Variants in ARHGAP24 observed in about 807,000 individuals in gnomAD.
ARHGAP24 encodes rho GTPase-activating protein 24.
A neutral mutation model predicts 76.4 loss-of-function variants in ARHGAP24; 50 were observed. The observed-to-expected ratio is 0.65, with a 90% CI of 0.52 to 0.83. The LOEUF (loss-of-function observed/expected upper bound fraction) is 0.83, where lower values mean the gene tolerates loss of function less well. Ranked by LOEUF, ARHGAP24 falls within the 40% of genes least tolerant of loss-of-function variation. The pLI, the probability that ARHGAP24 is intolerant of heterozygous loss-of-function variation, is 0.00. For missense variants in ARHGAP24, 930 were observed against 914.2 expected (o/e 1.02, Z -0.22); for synonymous variants, 345 against 323.3 (o/e 1.07, Z -0.72).
In ARHGAP24 at chr4:85,946,187, C is replaced by A. The variant is rs112818088; in HGVS notation, c.599+3914C>A. ...TCAACCACCTCCCACCAGGGTCCTCCCGTGACATGTGGGAATTGTGGGAAT... is the reference window on the plus strand; with the variant it reads ...TCAACCACCTCCCACCAGGGTCCTCACGTGACATGTGGGAATTGTGGGAAT... On this transcript the variant is annotated intron_variant, in intron 5 of 9. Transcript: ENST00000395184. 4.9e-3 allele frequency among the ~76,000 whole-genome samples: 749 copies of A among 152,268 alleles called. 13 individuals are homozygous for A. Among genetic ancestry groups the A allele is most frequent in the African/African-American group, 0.017 (704 of 41,552 alleles).
At chr4:85,592,894 A>G (rs534150721) in intron 2 of ARHGAP24, among the ~76,000 whole-genome samples, 1 of 152,288 alleles carries the variant, frequency 6.6e-6, no homozygotes, top group East Asian at 1.9e-4. Flanking sequence ...GTTGATGGGC[A>G]CTTAGGTTCC....
At chr4:85,910,733 G>T (rs1285241723) in intron 3 of ARHGAP24, among the ~76,000 whole-genome samples, 2 of 152,060 alleles carry the variant, frequency 1.3e-5, no homozygotes, top group Non-Finnish European at 2.9e-5. Context: ...TGAGCCCAAG[G>T]GTTTCATGGG....
intron 5 of ARHGAP24, among the ~76,000 whole-genome samples, chr4:85,968,048 T>C (rs1738736069): frequency 6.6e-6 from 1 of 152,194 alleles, no homozygotes; most frequent in Non-Finnish European, 1.5e-5. Context: ...CTCAGCTATT[T>C]GTTCCTAGTT....
At chr4:85,980,300 C>T (rs931211808) in intron 8 of ARHGAP24, among the ~76,000 whole-genome samples, 1 of 152,158 alleles carries the variant, frequency 6.6e-6, no homozygotes, top group Non-Finnish European at 1.5e-5. Context: ...AGAAAAAGTG[C>T]CTCACAAGTT....
chr4:85,960,259 T>C (rs1026575160), intron 5 of ARHGAP24, among the ~76,000 whole-genome samples: 1 of 152,224 alleles, frequency 6.6e-6, no homozygotes, highest in African/African-American at 2.4e-5. Flanking sequence ...AGAAGGCGGT[T>C]TTAAAATATT....
intron 2 of ARHGAP24, among the ~76,000 whole-genome samples, chr4:85,608,172 T>C (rs942579728): frequency 1.3e-5 from 2 of 152,052 alleles, no homozygotes; most frequent in Non-Finnish European, 2.9e-5. Flanking sequence ...ATGAATTGAA[T>C]TGAAAAAGGC....
chr4:85,557,113 C>T (rs573371897), intron 1 of ARHGAP24, among the ~76,000 whole-genome samples: 8 of 152,348 alleles, frequency 5.3e-5, no homozygotes, highest in African/African-American at 1.9e-4. Flanking sequence ...CCTCTGGGAG[C>T]TCTGTCCCAG....
At chr4:85,570,302 GCTCT>G (rs376080241) in intron 1 of ARHGAP24, among the ~76,000 whole-genome samples, 4 of 149,804 alleles carry the variant, frequency 2.7e-5, no homozygotes, top group Admixed American at 6.6e-5. Context: ...TACTTCCCTT[GCTCT>G]CTCTCTCTTT....
At chr4:85,864,246 G>A (rs982395624) in intron 3 of ARHGAP24, among the ~76,000 whole-genome samples, 7 of 152,028 alleles carry the variant, frequency 4.6e-5, no homozygotes, top group African/African-American at 1.4e-4. Context: ...AAAAAGAAAA[G>A]CCTTACCAAG....
chr4:85,988,634 A>G (rs910582017), intron 8 of ARHGAP24, among the ~76,000 whole-genome samples: 1 of 151,590 alleles, frequency 6.6e-6, no homozygotes, highest in African/African-American at 2.4e-5. Context: ...AAAGGACATA[A>G]AAAAATAAAA....
Position 85,911,291 on chromosome 4 carries a change from G to A in ARHGAP24, c.269-12357G>A, listed in dbSNP as rs779663143. On this transcript the variant is annotated intron_variant, in intron 3 of 9. Transcript: ENST00000395184. ...GCTCCACTTGTCCCTGGCTCCTGCC[G>A]GCTTGTGCAGCTCTGGCAGTGCCTC... Among the ~76,000 whole-genome samples the A allele has an allele frequency of 5.1e-4, 77 of 152,246 alleles. 2 individuals are homozygous for A. The highest frequency in any genetic ancestry group is 1.6e-3 in the Admixed American group (24 of 15,302).
intron 3 of ARHGAP24, among the ~76,000 whole-genome samples, chr4:85,845,967 G>A (rs1011019699): frequency 1.2e-4 from 18 of 151,740 alleles, no homozygotes; most frequent in Non-Finnish European, 2.5e-4. Flanking sequence ...GTGCAATGGC[G>A]CGATCTCGGC....
chr4:85,794,646 C>G (rs1008700760), intron 3 of ARHGAP24, among the ~76,000 whole-genome samples: 3 of 152,138 alleles, frequency 2.0e-5, no homozygotes, highest in African/African-American at 7.2e-5. Context: ...CCACACCTGG[C>G]TAATGTTTGT....
At chr4:85,877,396 A>G (rs548164190) in intron 3 of ARHGAP24, among the ~76,000 whole-genome samples, 84 of 152,342 alleles carry the variant, frequency 5.5e-4, no homozygotes, top group Non-Finnish European at 3.8e-4. Context: ...AGGCCCAGGC[A>G]AGTGGATTGC....
chr4:85,517,703 C>T (rs1421816379), intron 1 of ARHGAP24, among the ~76,000 whole-genome samples: 4 of 152,026 alleles, frequency 2.6e-5, no homozygotes, highest in South Asian at 2.1e-4. Flanking sequence ...AATGCTTACC[C>T]GGTTTAATAA....
chr4:85,818,817 T>A (rs1729351415), intron 3 of ARHGAP24, among the ~76,000 whole-genome samples: 1 of 152,200 alleles, frequency 6.6e-6, no homozygotes, highest in Admixed American at 6.5e-5. Flanking sequence ...ATTCTCTATA[T>A]CCAGTTAACG....
chr4:85,636,752 T>A (rs1721322856), intron 2 of ARHGAP24, among the ~76,000 whole-genome samples: 1 of 152,050 alleles, frequency 6.6e-6, no homozygotes, highest in African/African-American at 2.4e-5. Context: ...CTCCATGAAA[T>A]CTCTCCTGAC....
At chr4:85,921,539 G>GT (rs5860007) in intron 3 of ARHGAP24, among the ~76,000 whole-genome samples, 46,071 of 140,080 alleles carry the variant, frequency 0.33, 7,239 homozygotes, top group East Asian at 0.63. Flanking sequence ...TAAAATAAAA[G>GT]TTTTTTTAAA....
intron 3 of ARHGAP24, among the ~76,000 whole-genome samples, chr4:85,856,302 T>TA (rs376598614): frequency 1.4e-4 from 21 of 151,344 alleles, no homozygotes; most frequent in Non-Finnish European, 1.9e-4. Flanking sequence ...CTCATTTTGG[T>TA]AAAAAAAAAT....
Sources: allele counts gnomAD v4.1 joint callset (sites outside exome capture counted in the v4.1 genomes callset), GRCh38; gene constraint gnomAD v4.1.1; transcripts MANE v1.5; gene names NCBI Gene and HGNC (gene_info 2026-07-23, HGNC 2026-07-21).